KCNB2: variants seen among roughly 807,000 people sequenced by gnomAD.
KCNB2 encodes potassium voltage-gated channel subfamily B member 2.
Under a neutral mutation model 61.5 loss-of-function variants are expected in KCNB2, and 15 were observed. The observed-to-expected ratio is 0.24, with a 90% CI of 0.16 to 0.38. The LOEUF (loss-of-function observed/expected upper bound fraction) is 0.38. KCNB2 is among the 10% of genes least tolerant of loss of function. The pLI is 1.00. For missense variants in KCNB2, 828 were observed against 1,125.2 expected (o/e 0.74, Z 3.78); for synonymous variants, 457 against 446.0 (o/e 1.02, Z -0.31).
At chr8:72,650,155 ATAGTT>A (rs1158058816) in intron 2 of KCNB2, among the ~76,000 whole-genome samples, 4 of 152,190 alleles carry the variant, frequency 2.6e-5, no homozygotes, top group Non-Finnish European at 5.9e-5. Flanking sequence ...TGGGGAAAAA[ATAGTT>A]AAGTAACACC....
At chr8:72,652,455 A>G (rs1407903764) in intron 2 of KCNB2, among the ~76,000 whole-genome samples, 3 of 152,072 alleles carry the variant, frequency 2.0e-5, no homozygotes, top group African/African-American at 7.2e-5. Context: ...TGGGGCATCT[A>G]GAATGGTGTT....
intron 2 of KCNB2, among the ~76,000 whole-genome samples, chr8:72,757,082 G>T (rs1218967401): frequency 6.6e-6 from 1 of 152,120 alleles, no homozygotes; most frequent in Non-Finnish European, 1.5e-5. Context: ...AGAGCAAGTG[G>T]AGTGGAAAGG....
At chr8:72,665,353 T>G (rs1806450567) in intron 2 of KCNB2, among the ~76,000 whole-genome samples, 1 of 151,408 alleles carries the variant, frequency 6.6e-6, no homozygotes, top group African/African-American at 2.4e-5. Context: ...GAGGGTGGAG[T>G]TGTCATCACC....
chr8:72,756,884 AG>A (rs1808299290), intron 2 of KCNB2, among the ~76,000 whole-genome samples: 1 of 152,206 alleles, frequency 6.6e-6, no homozygotes, highest in Non-Finnish European at 1.5e-5. Flanking sequence ...TTATTAAATC[AG>A]TATAAGGAAG....
intron 2 of KCNB2, among the ~76,000 whole-genome samples, chr8:72,892,720 A>C (rs1805918457): frequency 6.6e-6 from 1 of 151,962 alleles, no homozygotes; most frequent in Admixed American, 6.6e-5. Context: ...CTCCTATACT[A>C]CTTCTTATCC....
chr8:72,571,835 G>A (rs1210958152), intron 2 of KCNB2, among the ~76,000 whole-genome samples: 2 of 152,128 alleles, frequency 1.3e-5, no homozygotes, highest in African/African-American at 2.4e-5. Flanking sequence ...CCAGTTTCCT[G>A]GGCAAAAATT....
intron 2 of KCNB2, among the ~76,000 whole-genome samples, chr8:72,571,421 G>A (rs529036694): frequency 5.3e-5 from 8 of 152,264 alleles, no homozygotes; most frequent in African/African-American, 1.9e-4. Flanking sequence ...TAACAATGTG[G>A]TATATCTGAA....
chr8:72,645,341 T>G (rs1242020801), intron 2 of KCNB2, among the ~76,000 whole-genome samples: 2 of 152,156 alleles, frequency 1.3e-5, no homozygotes, highest in Admixed American at 6.5e-5. Flanking sequence ...TTGGAATCCC[T>G]TGGCATCAGC....
intron 2 of KCNB2, among the ~76,000 whole-genome samples, chr8:72,596,014 C>A (rs1807183191): frequency 6.6e-6 from 1 of 152,064 alleles, no homozygotes; most frequent in Non-Finnish European, 1.5e-5. Context: ...AATATGTCTA[C>A]CATGTTCACC....
intron 2 of KCNB2, among the ~76,000 whole-genome samples, chr8:72,805,216 C>G (rs1311021509): frequency 6.6e-6 from 1 of 152,104 alleles, no homozygotes; most frequent in Non-Finnish European, 1.5e-5. Context: ...AAACACTTTA[C>G]AATAATGAAG....
At chr8:72,910,941 G>A (rs951628551) in intron 2 of KCNB2, among the ~76,000 whole-genome samples, 10 of 152,144 alleles carry the variant, frequency 6.6e-5, no homozygotes, top group African/African-American at 2.4e-4. Flanking sequence ...ATCGTGCATT[G>A]TCAGACACTG....
chr8:72,694,823 A>G (rs1585834890), intron 2 of KCNB2, among the ~76,000 whole-genome samples: 1 of 151,864 alleles, frequency 6.6e-6, no homozygotes. Flanking sequence ...AATAAAACAA[A>G]CAGTAATAAA....
chr8:72,608,987 A>C (rs1176617609), intron 2 of KCNB2, among the ~76,000 whole-genome samples: 4 of 152,178 alleles, frequency 2.6e-5, no homozygotes, highest in South Asian at 2.1e-4. Flanking sequence ...ATAACAAGTA[A>C]TTTTCTATGA....
chr8:72,904,221 T>G (rs1806134094), intron 2 of KCNB2, among the ~76,000 whole-genome samples: 2 of 152,208 alleles, frequency 1.3e-5, no homozygotes, highest in South Asian at 4.1e-4. Context: ...ATTATTCAGA[T>G]GCATAGCTAC....
At chr8:72,567,318 A>G (rs971129227) in intron 1 of KCNB2, among the ~76,000 whole-genome samples, 1 of 152,116 alleles carries the variant, frequency 6.6e-6, no homozygotes, top group South Asian at 2.1e-4. Flanking sequence ...CTCAAAAAAA[A>G]GAGTTGATCA....
At chr8:72,932,621 T>C (rs542488128) in intron 2 of KCNB2, among the ~76,000 whole-genome samples, 11 of 152,308 alleles carry the variant, frequency 7.2e-5, no homozygotes, top group African/African-American at 2.2e-4. Context: ...TGGTGGGCTT[T>C]TGTTGCAGTC....
intron 2 of KCNB2, among the ~76,000 whole-genome samples, chr8:72,895,056 AC>A (rs1317141761): frequency 6.6e-6 from 1 of 152,160 alleles, no homozygotes; most frequent in East Asian, 1.9e-4. Flanking sequence ...ATCAACAGTC[AC>A]AAAACAATCA....
intron 2 of KCNB2, among the ~76,000 whole-genome samples, chr8:72,721,907 C>T (rs974883765): frequency 6.6e-6 from 1 of 152,198 alleles, no homozygotes; most frequent in Admixed American, 6.5e-5. Context: ...TGGACACTTT[C>T]CCCTGAATGG....
chr8:72,544,310 G>A (rs1806229969), intron 1 of KCNB2, among the ~76,000 whole-genome samples: 1 of 152,172 alleles, frequency 6.6e-6, no homozygotes, highest in African/African-American at 2.4e-5. Context: ...AGATGTGAAA[G>A]GTGTTTATGC....
Sources: allele counts gnomAD v4.1 joint callset (sites outside exome capture counted in the v4.1 genomes callset), GRCh38; gene constraint gnomAD v4.1.1; transcripts MANE v1.5; gene names NCBI Gene and HGNC (gene_info 2026-07-23, HGNC 2026-07-21).